GRM5: variants seen among roughly 807,000 people sequenced by gnomAD.
The protein encoded by GRM5 is metabotropic glutamate receptor 5.
Under a neutral mutation model 83.1 loss-of-function variants are expected in GRM5, and 19 were observed. That is an observed-to-expected ratio of 0.23 (90% CI 0.16 to 0.34). The LOEUF is 0.34. GRM5 is among the 10% of genes least tolerant of loss of function. GRM5 has a pLI of 1.00. For missense variants in GRM5, 1,160 were observed against 1,588.3 expected, an observed-to-expected ratio of 0.73 and a Z score of 4.58; for synonymous variants, 675 against 633.6, an observed-to-expected ratio of 1.07 and a Z score of -0.98.
chr11:88,568,066 C>T, intron 7 of GRM5, 74 bp from the exon 8 acceptor site: 1 of 916,494 alleles, frequency 1.1e-6, no homozygotes, highest in Non-Finnish European at 1.7e-6. Context: ...AAGTTACAAG[C>T]AGCTGTTTAT....
At chr11:88,854,983 A>G (rs1296654142) in intron 2 of GRM5, among the ~76,000 whole-genome samples, 6 of 151,916 alleles carry the variant, frequency 3.9e-5, no homozygotes, top group African/African-American at 1.2e-4. Context: ...TAAAGATAAT[A>G]AAGTATAACA....
intron 3 of GRM5, among the ~76,000 whole-genome samples, chr11:88,832,878 T>C (rs1218395667): frequency 6.6e-6 from 1 of 151,588 alleles, no homozygotes; most frequent in Non-Finnish European, 1.5e-5. Context: ...GAACATCCTT[T>C]TCAATAAATA....
chr11:88,753,628 T>C (rs1292827264), intron 3 of GRM5, among the ~76,000 whole-genome samples: 1 of 152,152 alleles, frequency 6.6e-6, no homozygotes, highest in Non-Finnish European at 1.5e-5. Context: ...CATGCATATA[T>C]TCATTGAAGC....
At chr11:88,562,539 A>G (rs1029217896) in intron 8 of GRM5, among the ~76,000 whole-genome samples, 3 of 152,166 alleles carry the variant, frequency 2.0e-5, no homozygotes, top group Non-Finnish European at 4.4e-5. Flanking sequence ...GTGGCAGAAC[A>G]TAGTAGGTAG....
At chr11:88,852,718 C>T (rs1944407489) in intron 2 of GRM5, among the ~76,000 whole-genome samples, 1 of 152,002 alleles carries the variant, frequency 6.6e-6, no homozygotes, top group South Asian at 2.1e-4. Context: ...ACAGTTTTAA[C>T]ACATGTGTGA....
At chr11:88,511,700 T>A (rs1941374298) in intron 9 of GRM5, 1 of 152,260 alleles carries the variant, frequency 6.6e-6, no homozygotes, top group African/African-American at 2.4e-5. Context: ...AGGATTTATT[T>A]TTCAATTTTG....
In GRM5 at chr11:88,751,408, G is replaced by A. The variant is rs118055403; in HGVS notation, c.912-98005C>T. On this transcript the variant is annotated intron_variant, in intron 3 of 9. Transcript: ENST00000305447. ...CACCCTCTCAAGACTGAACCGGGGAGAAACTGAATCCCTGAATAGACTAAT... is the reference window on the plus strand; with the variant it reads ...CACCCTCTCAAGACTGAACCGGGGAAAAACTGAATCCCTGAATAGACTAAT... Among the ~76,000 whole-genome samples, 26 of 152,220 alleles carry A rather than the reference G, an allele frequency of 1.7e-4. No individual in the cohort carries two copies. In the East Asian group the frequency reaches 4.6e-3, roughly 27 times the overall value.
At chr11:88,747,151 A>T (rs1942162014) in intron 3 of GRM5, among the ~76,000 whole-genome samples, 1 of 152,156 alleles carries the variant, frequency 6.6e-6, no homozygotes, top group Non-Finnish European at 1.5e-5. Flanking sequence ...AAGGCTCTCA[A>T]CCTGGTTTCC....
chr11:88,954,852 T>C (rs1341291133), intron 2 of GRM5, among the ~76,000 whole-genome samples: 8 of 152,154 alleles, frequency 5.3e-5, no homozygotes, highest in Non-Finnish European at 7.3e-5. Flanking sequence ...GCATGGTACA[T>C]TGTGGAACAG....
At chr11:88,961,984 T>A (rs1938798218) in intron 2 of GRM5, among the ~76,000 whole-genome samples, 2 of 152,214 alleles carry the variant, frequency 1.3e-5, no homozygotes, top group African/African-American at 2.4e-5. Context: ...ATATAATGTC[T>A]TATTTTATCC....
chr11:88,849,215 G>A (rs1399658090), intron 3 of GRM5, among the ~76,000 whole-genome samples: 2 of 151,826 alleles, frequency 1.3e-5, no homozygotes, highest in Admixed American at 1.3e-4. Context: ...ATATATATGT[G>A]TGCAGGACAC....
chr11:88,944,007 G>A (rs192348736), intron 2 of GRM5, among the ~76,000 whole-genome samples: 2 of 152,052 alleles, frequency 1.3e-5, no homozygotes, highest in Admixed American at 1.3e-4. Context: ...TCAAATGCTT[G>A]GCACTTTAAT....
At chr11:88,920,430 C>CAAAAA (rs1245962694) in intron 2 of GRM5, among the ~76,000 whole-genome samples, 1,756 of 10,432 alleles carry the variant, frequency 0.17, 39 homozygotes, top group African/African-American at 0.29. Flanking sequence ...AAAAAAAAAC[C>CAAAAA]AAAAAAAAAA....
intron 3 of GRM5, among the ~76,000 whole-genome samples, chr11:88,777,925 A>C (rs1942891780): frequency 6.6e-6 from 1 of 152,172 alleles, no homozygotes; most frequent in Non-Finnish European, 1.5e-5. Context: ...GACCCACTTA[A>C]GGAGGCAGTC....
intron 9 of GRM5, among the ~76,000 whole-genome samples, chr11:88,524,710 G>T (rs1941822310): frequency 6.6e-6 from 1 of 152,214 alleles, no homozygotes; most frequent in Admixed American, 6.5e-5. Context: ...GGAAGCAAAG[G>T]AGATGCAAAG....
At chr11:88,961,960 G>C (rs1043614698) in intron 2 of GRM5, among the ~76,000 whole-genome samples, 1 of 152,198 alleles carries the variant, frequency 6.6e-6, no homozygotes, top group African/African-American at 2.4e-5. Flanking sequence ...CACATACTTT[G>C]TGCCAGTCAC....
intron 3 of GRM5, among the ~76,000 whole-genome samples, chr11:88,720,749 C>T (rs1941513188): frequency 6.6e-6 from 1 of 150,488 alleles, no homozygotes; most frequent in East Asian, 2.0e-4. Context: ...TGTGCAAAAG[C>T]CATTTATATG....
chr11:89,065,355 T>G (rs968089762), intron 1 of GRM5, among the ~76,000 whole-genome samples: 1 of 150,114 alleles, frequency 6.7e-6, no homozygotes, highest in East Asian at 2.0e-4. Context: ...GAGAGAGAGA[T>G]CCAAACGTAT....
Position 88,966,918 on chromosome 11 carries a change from A to T in GRM5, c.661+80294T>A, listed in dbSNP as rs968157632. ...TGAAGCATAATCTTTAGCAGTGTGT[A>T]TGGCCCTCCGGAATAAAGACTGCAT... On this transcript the variant is annotated intron_variant, in intron 2 of 9. Coordinates refer to ENST00000305447, the MANE Select transcript of GRM5 (RefSeq NM_001143831.3). Among the ~76,000 whole-genome samples the T allele has an allele frequency of 3.3e-5, 5 of 152,080 alleles. No individual in the cohort carries two copies. In the East Asian group the frequency reaches 5.8e-4, roughly 18 times the overall value.
Sources: allele counts gnomAD v4.1 joint callset (sites outside exome capture counted in the v4.1 genomes callset), GRCh38; gene constraint gnomAD v4.1.1; transcripts MANE v1.5; gene names NCBI Gene and HGNC (gene_info 2026-07-23, HGNC 2026-07-21).